RHAG: variants seen among roughly 807,000 people sequenced by gnomAD.
RHAG encodes the protein Rh associated glycoprotein.
RHAG carries 25 observed loss-of-function variants against 42.4 expected under a neutral mutation model. The ratio of observed to expected loss-of-function variants is 0.59; its 90% CI spans 0.43 to 0.82. The LOEUF is 0.82. RHAG is among the 40% of genes least tolerant of loss of function. The probability of loss-of-function intolerance (pLI) is 0.00; values close to 1 mark genes in which losing one functional copy is unlikely to be tolerated. For synonymous variants in RHAG, 182 were observed against 177.7 expected (o/e 1.02, Z -0.19); for missense variants, 483 against 504.6 (o/e 0.96, Z 0.41).
chr6:49,608,779 C>T (rs940613857), intron 7 of RHAG, among the ~76,000 whole-genome samples: 2 of 152,082 alleles, frequency 1.3e-5, no homozygotes, highest in African/African-American at 4.8e-5. Flanking sequence ...TTAATTCATT[C>T]ATGCTTTATC....
intron 9 of RHAG, 114 bp from the exon 10 acceptor site, chr6:49,605,944 G>T: frequency 1.1e-6 from 1 of 897,678 alleles, no homozygotes; most frequent in Non-Finnish European, 1.9e-6. Context: ...GGAAAGAACT[G>T]GGAATAAAAA....
chr6:49,623,945 C>A lies in RHAG; in HGVS notation c.158-4583G>T, dbSNP rs6918385. 1.7e-4 allele frequency among the ~76,000 whole-genome samples: 26 copies of A among 152,294 alleles called. No individual in the cohort carries two copies. The East Asian group carries it at 5.0e-3, about 29-fold the overall frequency. ...ACTCTGTTTTGGGCCAAGATAGCAGCGGGGAGGGAACCAGGTGCCTACATT... is the reference window on the plus strand; with the variant it reads ...ACTCTGTTTTGGGCCAAGATAGCAGAGGGGAGGGAACCAGGTGCCTACATT... On this transcript the variant is annotated intron_variant, in intron 1 of 9. Coordinates refer to ENST00000371175, the MANE Select transcript of RHAG (RefSeq NM_000324.3).
intron 7 of RHAG, 87 bp downstream of exon 7, chr6:49,610,937 C>G: frequency 1.3e-6 from 2 of 1,533,288 alleles, no homozygotes; most frequent in Non-Finnish European, 1.8e-6. Flanking sequence ...ATGGCCAGAA[C>G]AGCTAAAATG....
intron 1 of RHAG, among the ~76,000 whole-genome samples, chr6:49,620,654 C>T (rs1762741237): frequency 6.6e-6 from 1 of 152,110 alleles, no homozygotes; most frequent in Admixed American, 6.5e-5. Context: ...GCCTCAGCCT[C>T]CCAAGTAGCT....
At position 49,623,193 on chromosome 6, in the gene RHAG, G is replaced by A. The variant is rs554424364; in HGVS notation, c.158-3831C>T. 3.9e-5 allele frequency among the ~76,000 whole-genome samples: 6 copies of A among 152,230 alleles called. No homozygotes were observed. In the East Asian group the frequency reaches 5.8e-4, roughly 15 times the overall value. On this transcript the variant is annotated intron_variant, in intron 1 of 9. Transcript: ENST00000371175. ...TTTCATATATTAACTGTGCTTCACT[G>A]TTTTTCCCTCTTCTGATGTAATTCT...
chr6:49,614,587 C>G, intron 5 of RHAG, 100 bp downstream of exon 5: 1 of 974,998 alleles, frequency 1.0e-6, no homozygotes. Context: ...TCTGATTTGT[C>G]TTGAGAGTTC....
At position 49,620,062 on chromosome 6, in the gene RHAG, T is replaced by C. The variant is rs143559273; in HGVS notation, c.158-700A>G. The stretch of plus-strand genomic sequence containing the variant: ...TGGGATAATTTCTTTGTTAGCACTT[T>C]ATGAACCATGAAGCATTAATAAACA... On this transcript the variant is annotated intron_variant, in intron 1 of 9. Coordinates refer to ENST00000371175, the MANE Select transcript of RHAG (RefSeq NM_000324.3). Among the ~76,000 whole-genome samples, 6 of 152,344 alleles carry C rather than the reference T, an allele frequency of 3.9e-5. No homozygotes were observed. In the East Asian group the frequency reaches 1.2e-3, roughly 29 times the overall value.
chr6:49,622,982 T>C (rs1762788764), intron 1 of RHAG, among the ~76,000 whole-genome samples: 1 of 151,774 alleles, frequency 6.6e-6, no homozygotes, highest in Non-Finnish European at 1.5e-5. Context: ...ACTACAGGCG[T>C]CCGCCACTAC....
At chr6:49,611,545 C>G (rs1386633608) in intron 6 of RHAG, among the ~76,000 whole-genome samples, 1 of 152,138 alleles carries the variant, frequency 6.6e-6, no homozygotes, top group Non-Finnish European at 1.5e-5. Context: ...CTACATCTCC[C>G]CATTTCCTTC....
intron 1 of RHAG, among the ~76,000 whole-genome samples, chr6:49,620,675 G>A (rs1263632425): frequency 6.6e-6 from 1 of 152,074 alleles, no homozygotes; most frequent in Admixed American, 6.5e-5. Flanking sequence ...GGGATTACGG[G>A]CGCATGCCAC....
intron 6 of RHAG, among the ~76,000 whole-genome samples, chr6:49,611,772 C>A (rs959742823): frequency 1.3e-5 from 2 of 150,444 alleles, no homozygotes; most frequent in African/African-American, 4.9e-5. Flanking sequence ...GACAGAGTCT[C>A]ACTCCATTGC....
At chr6:49,629,910 G>A (rs2396913) in intron 1 of RHAG, among the ~76,000 whole-genome samples, 1 of 151,932 alleles carries the variant, frequency 6.6e-6, no homozygotes, top group Non-Finnish European at 1.5e-5. Context: ...ACGCAGCCCC[G>A]GTTCCCGCTC....
chr6:49,606,957 C>T (rs774860927), intron 8 of RHAG, 36 bp from the exon 9 acceptor site: 26 of 1,482,226 alleles, frequency 1.8e-5, no homozygotes, highest in South Asian at 1.2e-4. Context: ...CATGTTGTGA[C>T]GCTGAAGAGG....
intron 5 of RHAG, 28 bp from the exon 6 acceptor site, chr6:49,612,562 G>T: frequency 6.2e-7 from 1 of 1,613,732 alleles, no homozygotes; most frequent in Non-Finnish European, 8.5e-7. Context: ...ACATAAATGA[G>T]GTGAGCTGGA....
At chr6:49,631,819 C>A (rs6934730) in intron 1 of RHAG, 34,322 of 152,166 alleles carry the variant, frequency 0.23, 4,222 homozygotes, top group African/African-American at 0.32. Flanking sequence ...ATATTACAGA[C>A]AGTATATTAA....
chr6:49,629,349 C>G (rs1450208187), intron 1 of RHAG, among the ~76,000 whole-genome samples: 1 of 151,886 alleles, frequency 6.6e-6, no homozygotes, highest in Admixed American at 6.6e-5. Context: ...AAACCCTGAG[C>G]TAGACACAGG....
At chr6:49,636,057 C>T (rs1763005617) in intron 1 of RHAG, among the ~76,000 whole-genome samples, 2 of 152,096 alleles carry the variant, frequency 1.3e-5, no homozygotes, top group African/African-American at 4.8e-5. Flanking sequence ...GCTCAATCAT[C>T]ATTCCCAAGG....
intron 1 of RHAG, among the ~76,000 whole-genome samples, chr6:49,628,535 T>C (rs1762878163): frequency 6.6e-6 from 1 of 151,744 alleles, no homozygotes; most frequent in East Asian, 1.9e-4. Context: ...TTTCTTCTGA[T>C]GTTCCGATGC....
chr6:49,636,406 A>G (rs1211698384), intron 1 of RHAG, among the ~76,000 whole-genome samples: 1 of 152,186 alleles, frequency 6.6e-6, no homozygotes, highest in African/African-American at 2.4e-5. Context: ...GATAAGCAAT[A>G]CAAAAGGCAT....
Sources: allele counts gnomAD v4.1 joint callset (sites outside exome capture counted in the v4.1 genomes callset), GRCh38; gene constraint gnomAD v4.1.1; transcripts MANE v1.5; gene names NCBI Gene and HGNC (gene_info 2026-07-23, HGNC 2026-07-21).